The following CPEB1 variants were observed in gnomAD, a reference collection of about 807,000 sequenced individuals.
CPEB1 encodes cytoplasmic polyadenylation element binding protein 1, also known as cytoplasmic polyadenylation element-binding protein 1.
CPEB1 carries 7 observed loss-of-function variants against 65.8 expected under a neutral mutation model. The observed-to-expected ratio is 0.11, with a 90% CI of 0.06 to 0.20. The LOEUF is 0.20. CPEB1 is among the 10% of genes least tolerant of loss of function. The pLI is 1.00. For synonymous variants in CPEB1, 262 were observed against 260.0 expected, an observed-to-expected ratio of 1.01 and a Z score of -0.08; for missense variants, 551 against 712.2, an observed-to-expected ratio of 0.77 and a Z score of 2.58.
At chr15:82,577,839 G>T (rs1245626892) in intron 3 of CPEB1, among the ~76,000 whole-genome samples, 2 of 151,774 alleles carry the variant, frequency 1.3e-5, no homozygotes, top group Non-Finnish European at 2.9e-5. Flanking sequence ...GAAAAATATA[G>T]CATTGATAAA....
chr15:82,615,099 T>C (rs929253194), intron 3 of CPEB1, among the ~76,000 whole-genome samples: 1 of 152,198 alleles, frequency 6.6e-6, no homozygotes, highest in African/African-American at 2.4e-5. Flanking sequence ...TAAGCCAAGG[T>C]CACAGCAAGT....
chr15:82,566,776 C>T (rs554931105), intron 4 of CPEB1, among the ~76,000 whole-genome samples: 1 of 152,174 alleles, frequency 6.6e-6, no homozygotes, highest in East Asian at 1.9e-4. Context: ...TCTCCCTCCT[C>T]TCTGCACTGA....
At position 82,563,357 on chromosome 15, in the gene CPEB1, C is replaced by CTTTTT. The variant is rs71453394; in HGVS notation, c.461-5376_461-5372dup. 8.2e-4 allele frequency among the ~76,000 whole-genome samples: 75 copies of CTTTTT among 92,012 alleles called. 3 individuals carry two copies. The highest frequency in any genetic ancestry group is 0.016 in the Middle Eastern group (2 of 126). The allele number at this position is 92,012 out of a possible 152,430, so 60.4% of individuals were successfully genotyped here. ...GAATGTATGTAAGATCATCTCTATT[C>CTTTTT]TTTTTTTTTTTTTTTTTTTTTTTTG... On this transcript the variant is annotated intron_variant, in intron 4 of 12. Coordinates refer to ENST00000684509, the MANE Select transcript of CPEB1 (RefSeq NM_001365242.1).
At chr15:82,577,956 C>T (rs1011580154) in intron 3 of CPEB1, among the ~76,000 whole-genome samples, 5 of 151,962 alleles carry the variant, frequency 3.3e-5, no homozygotes, top group Non-Finnish European at 5.9e-5. Flanking sequence ...CTGGCTAACA[C>T]GGTGAAACCC....
At chr15:82,562,107 T>C in intron 4 of CPEB1, 1 of 425,484 alleles carries the variant, frequency 2.4e-6, no homozygotes, top group Non-Finnish European at 4.6e-6. Context: ...AGCTAATGAG[T>C]GACAGAGACT....
At chr15:82,647,935 C>A, upstream of CPEB1, 1 of 1,192,900 alleles carries the variant, frequency 8.4e-7, no homozygotes, top group Non-Finnish European at 1.0e-6. Flanking sequence ...GAGACGCGCA[C>A]GCACGTGGGC....
At chr15:82,627,502 TACTATGAGC>T in intron 2 of CPEB1, 135 bp from the exon 3 acceptor site, 7 of 624,218 alleles carry the variant, frequency 1.1e-5, no homozygotes, top group South Asian at 2.9e-5. Context: ...AATGAGTGTT[TACTATGAGC>T]TAAGTACTCG....
At chr15:82,567,425 T>G (rs535471537) in intron 4 of CPEB1, among the ~76,000 whole-genome samples, 1 of 151,418 alleles carries the variant, frequency 6.6e-6, no homozygotes, top group East Asian at 1.9e-4. Context: ...GATCACAAGG[T>G]CAGGAGTTCA....
chr15:82,549,920 CA>C lies in CPEB1; in HGVS notation c.1282-263del, dbSNP rs200887952. 7.2e-3 allele frequency among the ~76,000 whole-genome samples: 1,097 copies of C among 152,154 alleles called. 14 individuals carry two copies. Among genetic ancestry groups the C allele is most frequent in the African/African-American group, 0.025 (1,055 of 41,512 alleles). ...GTACTCACTCATGCTGGAGAGTAAG[CA>C]AAAAAGTACCACATGGCCAAACCCA... On this transcript the variant is annotated intron_variant, in intron 9 of 12. Transcript: ENST00000684509.
At chr15:82,594,106 C>T (rs1331367517) in intron 3 of CPEB1, among the ~76,000 whole-genome samples, 1 of 152,196 alleles carries the variant, frequency 6.6e-6, no homozygotes, top group Non-Finnish European at 1.5e-5. Context: ...ACAAGAGAAT[C>T]AGCCTGTTCT....
chr15:82,545,702 C>T (rs1304124638), intron 12 of CPEB1, among the ~76,000 whole-genome samples: 1 of 152,178 alleles, frequency 6.6e-6, no homozygotes, highest in African/African-American at 2.4e-5. Flanking sequence ...TTCTGCCTGT[C>T]GCTGACACCT....
At chr15:82,562,340 G>C in intron 4 of CPEB1, 1 of 374,018 alleles carries the variant, frequency 2.7e-6, no homozygotes. Context: ...GCCACTACAG[G>C]AACTCATTAA....
chr15:82,581,966 T>TC (rs2041322416), intron 3 of CPEB1, among the ~76,000 whole-genome samples: 1 of 152,210 alleles, frequency 6.6e-6, no homozygotes, highest in Non-Finnish European at 1.5e-5. Context: ...TAGCTGGGTA[T>TC]CTTTCCTTGA....
chr15:82,626,125 A>G (rs569703742), intron 3 of CPEB1, among the ~76,000 whole-genome samples: 63 of 150,348 alleles, frequency 4.2e-4, no homozygotes, highest in African/African-American at 1.4e-3. Flanking sequence ...GTCTCAAAAA[A>G]AAGAAAGAAA....
At chr15:82,568,225 G>A (rs1361386603) in intron 4 of CPEB1, among the ~76,000 whole-genome samples, 3 of 152,134 alleles carry the variant, frequency 2.0e-5, no homozygotes, top group Non-Finnish European at 2.9e-5. Flanking sequence ...TTAAAATCAT[G>A]TGATGTACTT....
intron 4 of CPEB1, among the ~76,000 whole-genome samples, chr15:82,559,317 C>G (rs1293305973): frequency 6.6e-6 from 1 of 152,192 alleles, no homozygotes; most frequent in Non-Finnish European, 1.5e-5. Flanking sequence ...GGTATATGAC[C>G]TCCCCTTTTG....
chr15:82,621,668 T>C (rs1480859030), intron 3 of CPEB1, among the ~76,000 whole-genome samples: 1 of 152,162 alleles, frequency 6.6e-6, no homozygotes, highest in Non-Finnish European at 1.5e-5. Flanking sequence ...TACAATTCTT[T>C]GGTCCTACAT....
intron 3 of CPEB1, among the ~76,000 whole-genome samples, chr15:82,589,367 G>A (rs991074551): frequency 5.3e-5 from 8 of 152,166 alleles, no homozygotes; most frequent in South Asian, 2.1e-4. Context: ...TATGTGGGGC[G>A]GCAATTTAAT....
intron 4 of CPEB1, among the ~76,000 whole-genome samples, chr15:82,564,001 A>C (rs550393317): frequency 6.6e-6 from 1 of 152,292 alleles, no homozygotes; most frequent in East Asian, 1.9e-4. Context: ...TAGAAGAAAT[A>C]ATCTTTTAAA....
Sources: gnomAD v4.1 joint callset for allele counts (sites outside exome capture counted in the v4.1 genomes callset) on GRCh38, gnomAD v4.1.1 for gene constraint, MANE v1.5 for transcripts, NCBI Gene and HGNC (gene_info 2026-07-23, HGNC 2026-07-21) for gene names.